The following TRPM3 variants were observed in gnomAD, a reference collection of about 807,000 sequenced individuals.
TRPM3 encodes the protein transient receptor potential cation channel subfamily M member 3, also known as long transient receptor potential channel 3.
In TRPM3, 77 loss-of-function variants were observed where a neutral mutation model predicts 181.2. The observed-to-expected ratio is 0.42, with a 90% confidence interval of 0.35 to 0.51. The LOEUF (loss-of-function observed/expected upper bound fraction) is 0.51, where lower values mean the gene tolerates loss of function less well. Among genes scored for constraint, TRPM3 ranks in the 20% least tolerant of loss-of-function variants. The pLI is 0.01. For synonymous variants in TRPM3, 745 were observed against 796.4 expected, an observed-to-expected ratio of 0.94 and a Z score of 1.09; for missense variants, 1,759 against 2,196.7, an observed-to-expected ratio of 0.80 and a Z score of 3.98.
chr9:71,299,813 A>T (rs73649713), intron 1 of TRPM3, among the ~76,000 whole-genome samples: 5,524 of 152,236 alleles, frequency 0.036, 321 homozygotes, highest in African/African-American at 0.12. Flanking sequence ...TTTGTGGGAA[A>T]AATGACTATT....
At chr9:71,414,572 A>G (rs2093609435) in intron 1 of TRPM3, among the ~76,000 whole-genome samples, 1 of 152,130 alleles carries the variant, frequency 6.6e-6, no homozygotes, top group Admixed American at 6.6e-5. Flanking sequence ...GTAACATGTA[A>G]TAGACACAGT....
At chr9:71,346,916 A>G (rs920080739) in intron 1 of TRPM3, among the ~76,000 whole-genome samples, 1 of 152,216 alleles carries the variant, frequency 6.6e-6, no homozygotes, top group Non-Finnish European at 1.5e-5. Context: ...GTCAGGATAC[A>G]ACATTGCTCT....
chr9:71,056,046 C>A (rs1170880820), intron 1 of TRPM3, among the ~76,000 whole-genome samples: 2 of 151,898 alleles, frequency 1.3e-5, no homozygotes, highest in Non-Finnish European at 2.9e-5. Flanking sequence ...AATTATCATC[C>A]CAATTTTACA....
intron 1 of TRPM3, among the ~76,000 whole-genome samples, chr9:70,960,751 C>T (rs1261849413): frequency 3.9e-5 from 6 of 152,228 alleles, no homozygotes; most frequent in Admixed American, 2.6e-4. Context: ...GCAAATGTGC[C>T]GTGTGTACAC....
chr9:71,162,789 G>T (rs1005637718), intron 1 of TRPM3, among the ~76,000 whole-genome samples: 2 of 152,146 alleles, frequency 1.3e-5, no homozygotes, highest in African/African-American at 2.4e-5. Context: ...CCATGTAAGA[G>T]ACAGGAAAGT....
intron 1 of TRPM3, among the ~76,000 whole-genome samples, chr9:71,405,932 AAAGAT>A: frequency 6.6e-6 from 1 of 152,250 alleles, no homozygotes. Context: ...TAAAAACAAG[AAAGAT>A]AAAGCTTTCC....
intron 1 of TRPM3, among the ~76,000 whole-genome samples, chr9:71,139,936 T>G (rs990694420): frequency 6.6e-6 from 1 of 152,052 alleles, no homozygotes; most frequent in Admixed American, 6.6e-5. Flanking sequence ...TCCTGAAAAA[T>G]GAAAAAAGCA....
At chr9:70,695,778 T>C (rs764759310) in intron 8 of TRPM3, among the ~76,000 whole-genome samples, 1 of 152,172 alleles carries the variant, frequency 6.6e-6, no homozygotes, top group Non-Finnish European at 1.5e-5. Context: ...GGATACTCCT[T>C]AGTTACTGTT....
intron 8 of TRPM3, among the ~76,000 whole-genome samples, chr9:70,697,188 C>G (rs1268985099): frequency 6.6e-6 from 1 of 152,158 alleles, no homozygotes; most frequent in Non-Finnish European, 1.5e-5. Flanking sequence ...AATGCAAGTC[C>G]TCACGTAAAA....
At chr9:71,339,578 C>G (rs879815323) in intron 1 of TRPM3, among the ~76,000 whole-genome samples, 12 of 152,048 alleles carry the variant, frequency 7.9e-5, no homozygotes, top group Non-Finnish European at 1.5e-4. Flanking sequence ...CAAAGACACA[C>G]TTTTAAATAA....
chr9:70,749,398 G>A (rs188868037), intron 8 of TRPM3, among the ~76,000 whole-genome samples: 25 of 152,192 alleles, frequency 1.6e-4, no homozygotes, highest in Non-Finnish European at 2.2e-4. Context: ...GAATTAAGAC[G>A]TTAAAGTAAT....
chr9:71,101,874 T>C (rs1244991091), intron 1 of TRPM3, among the ~76,000 whole-genome samples: 1 of 152,146 alleles, frequency 6.6e-6, no homozygotes, highest in Non-Finnish European at 1.5e-5. Context: ...TCTCTTGTAT[T>C]ATTGATAACA....
At chr9:70,981,782 T>C (rs1007354311) in intron 1 of TRPM3, among the ~76,000 whole-genome samples, 6 of 152,198 alleles carry the variant, frequency 3.9e-5, no homozygotes, top group African/African-American at 1.4e-4. Flanking sequence ...CCATTTCATT[T>C]TGAAGCTCCT....
intron 1 of TRPM3, among the ~76,000 whole-genome samples, chr9:71,312,482 A>G (rs767809970): frequency 2.0e-5 from 3 of 152,178 alleles, no homozygotes; most frequent in Non-Finnish European, 4.4e-5. Flanking sequence ...ACTTTAGAGG[A>G]CAGTTTGGCA....
chr9:70,991,555 G>GTTTTTTTTTTTTTT (rs56157123), intron 1 of TRPM3, among the ~76,000 whole-genome samples: 2 of 124,536 alleles, frequency 1.6e-5, no homozygotes. Flanking sequence ...CTATGTGTCT[G>GTTTTTTTTTTTTTT]TTTTTTTTTT....
chr9:70,998,350 G>T (rs139845855), intron 1 of TRPM3, among the ~76,000 whole-genome samples: 1 of 150,928 alleles, frequency 6.6e-6, no homozygotes, highest in African/African-American at 2.4e-5. Flanking sequence ...AAGTAAAAAT[G>T]TTACTTTCTA....
intron 1 of TRPM3, among the ~76,000 whole-genome samples, chr9:71,166,430 G>C (rs958449035): frequency 1.3e-5 from 2 of 152,026 alleles, no homozygotes; most frequent in Admixed American, 6.6e-5. Context: ...CCTTGAAAAA[G>C]AAGAGGAAGT....
intron 1 of TRPM3, among the ~76,000 whole-genome samples, chr9:70,869,517 A>G (rs1445386765): frequency 1.3e-5 from 2 of 151,984 alleles, no homozygotes; most frequent in Non-Finnish European, 2.9e-5. Flanking sequence ...TCCCCAAAGA[A>G]TGGAATGGTA....
At chr9:71,408,387 G>C (rs1285039544) in intron 1 of TRPM3, among the ~76,000 whole-genome samples, 1 of 152,146 alleles carries the variant, frequency 6.6e-6, no homozygotes, top group East Asian at 1.9e-4. Flanking sequence ...AACAAGAATA[G>C]AGAGCATAGA....
Sources: gnomAD v4.1 joint callset for allele counts (sites outside exome capture counted in the v4.1 genomes callset) on GRCh38, gnomAD v4.1.1 for gene constraint, MANE v1.5 for transcripts, NCBI Gene and HGNC (gene_info 2026-07-23, HGNC 2026-07-21) for gene names.